Variants in AKAP6 observed in about 807,000 individuals in gnomAD.
AKAP6 encodes the protein A-kinase anchoring protein 6.
Under a neutral mutation model 188.5 loss-of-function variants are expected in AKAP6, and 58 were observed. That is an observed-to-expected ratio of 0.31 (90% confidence interval 0.25 to 0.38). AKAP6 has a LOEUF of 0.38. Ranked by LOEUF, AKAP6 falls within the 10% of genes least tolerant of loss-of-function variation. AKAP6 has a pLI of 1.00. For synonymous variants in AKAP6, 989 were observed against 998.6 expected, an observed-to-expected ratio of 0.99 and a Z score of 0.18; for missense variants, 2,710 against 2,740.0, an observed-to-expected ratio of 0.99 and a Z score of 0.24.
At chr14:32,448,192 C>T (rs1192692198) in intron 2 of AKAP6, among the ~76,000 whole-genome samples, 1 of 152,142 alleles carries the variant, frequency 6.6e-6, no homozygotes, top group Non-Finnish European at 1.5e-5. Context: ...GCAATGCCTC[C>T]CTTTCCTGGG....
intron 2 of AKAP6, among the ~76,000 whole-genome samples, chr14:32,476,063 C>T (rs562015850): frequency 6.6e-6 from 1 of 152,022 alleles, no homozygotes; most frequent in Admixed American, 6.5e-5. Flanking sequence ...TAATTATTAT[C>T]TATTTGGTAC....
chr14:32,331,421 T>A (rs1053310245), intron 1 of AKAP6, among the ~76,000 whole-genome samples: 1 of 152,030 alleles, frequency 6.6e-6, no homozygotes, highest in Non-Finnish European at 1.5e-5. Context: ...AGTTATCTAG[T>A]GGAACATCCT....
intron 1 of AKAP6, among the ~76,000 whole-genome samples, chr14:32,369,904 G>A (rs185943891): frequency 8.4e-4 from 128 of 152,272 alleles, no homozygotes; most frequent in Non-Finnish European, 1.5e-3. Context: ...GTTGGTGGAA[G>A]CCTGTAATCC....
At chr14:32,354,430 TA>T (rs11299916) in intron 1 of AKAP6, among the ~76,000 whole-genome samples, 47,853 of 152,048 alleles carry the variant, frequency 0.31, 8,240 homozygotes, top group African/African-American at 0.46. Context: ...TTATACTACC[TA>T]AACTGGCAGT....
intron 12 of AKAP6, among the ~76,000 whole-genome samples, chr14:32,805,410 T>C (rs1566724553): frequency 6.6e-6 from 1 of 152,194 alleles, no homozygotes; most frequent in Non-Finnish European, 1.5e-5. Context: ...GAAATTGTCA[T>C]CCTGCGTGTA....
intron 8 of AKAP6, among the ~76,000 whole-genome samples, chr14:32,679,258 A>T (rs1040177288): frequency 5.3e-5 from 8 of 152,136 alleles, no homozygotes; most frequent in African/African-American, 1.7e-4. Flanking sequence ...TGTAATATTT[A>T]ATAGGTGATT....
chr14:32,803,364 A>G (rs893466387), intron 12 of AKAP6, among the ~76,000 whole-genome samples: 8 of 152,096 alleles, frequency 5.3e-5, no homozygotes, highest in Non-Finnish European at 8.8e-5. Context: ...TCGGGTATAC[A>G]TAACAAGCCA....
intron 9 of AKAP6, among the ~76,000 whole-genome samples, chr14:32,703,834 T>A (rs1373177776): frequency 6.6e-6 from 1 of 152,236 alleles, no homozygotes; most frequent in Admixed American, 6.5e-5. Context: ...GGTAAAGGGT[T>A]AACAGTCTGA....
intron 12 of AKAP6, among the ~76,000 whole-genome samples, chr14:32,783,470 T>C (rs1389864705): frequency 1.3e-5 from 2 of 152,146 alleles, no homozygotes; most frequent in African/African-American, 4.8e-5. Flanking sequence ...ATTTACTTTA[T>C]TTAAATTATA....
chr14:32,600,564 A>G, intron 6 of AKAP6, 65 bp from the exon 7 acceptor site: 2 of 1,460,002 alleles, frequency 1.4e-6, no homozygotes, highest in Non-Finnish European at 1.8e-6. Flanking sequence ...AATTTACTAA[A>G]TAAAAATAAT....
intron 1 of AKAP6, among the ~76,000 whole-genome samples, chr14:32,399,233 C>T (rs949691911): frequency 3.3e-5 from 5 of 152,088 alleles, no homozygotes; most frequent in African/African-American, 1.2e-4. Context: ...GCAAAAACTA[C>T]AATAAGTTTG....
chr14:32,595,608 A>G (rs1302895170), intron 5 of AKAP6, among the ~76,000 whole-genome samples: 1 of 152,120 alleles, frequency 6.6e-6, no homozygotes, highest in Non-Finnish European at 1.5e-5. Flanking sequence ...TCCTGGGCTC[A>G]AGCAGTCTTC....
chr14:32,564,700 A>G (rs1041336790), intron 4 of AKAP6, among the ~76,000 whole-genome samples: 1 of 152,174 alleles, frequency 6.6e-6, no homozygotes, highest in Admixed American at 6.6e-5. Flanking sequence ...GAAGGCATGA[A>G]AAATCATTCA....
chr14:32,481,618 AG>A (rs559634170), intron 2 of AKAP6, among the ~76,000 whole-genome samples: 17 of 152,110 alleles, frequency 1.1e-4, no homozygotes, highest in Non-Finnish European at 2.2e-4. Flanking sequence ...CGGGAACAAC[AG>A]GGGAAAAACT....
At chr14:32,510,356 A>C (rs187381733) in intron 2 of AKAP6, among the ~76,000 whole-genome samples, 8,061 of 56,298 alleles carry the variant, frequency 0.14, 300 homozygotes, top group Admixed American at 0.22. Context: ...ATATGGATAC[A>C]TATATATATG....
At chr14:32,808,435 T>C (rs2034143853) in intron 12 of AKAP6, among the ~76,000 whole-genome samples, 1 of 152,188 alleles carries the variant, frequency 6.6e-6, no homozygotes, top group Admixed American at 6.5e-5. Flanking sequence ...TTATCAAGGG[T>C]GGAGAAAGGG....
chr14:32,461,698 G>C (rs1862369463), intron 2 of AKAP6, among the ~76,000 whole-genome samples: 1 of 151,946 alleles, frequency 6.6e-6, no homozygotes, highest in Admixed American at 6.5e-5. Context: ...AACTCCTCTT[G>C]AGCAAGGGCA....
intron 3 of AKAP6, among the ~76,000 whole-genome samples, chr14:32,539,218 G>A (rs1024169358): frequency 4.6e-5 from 7 of 152,170 alleles, no homozygotes; most frequent in Admixed American, 6.6e-5. Flanking sequence ...TCACACAGGT[G>A]ATAAGAGAGT....
chr14:32,415,489 A>G (rs1203781199), intron 1 of AKAP6, among the ~76,000 whole-genome samples: 1 of 152,116 alleles, frequency 6.6e-6, no homozygotes, highest in East Asian at 1.9e-4. Flanking sequence ...TCTATTTCTC[A>G]GTGCTTTTCT....
Sources: allele counts gnomAD v4.1 joint callset (sites outside exome capture counted in the v4.1 genomes callset), GRCh38; gene constraint gnomAD v4.1.1; transcripts MANE v1.5; gene names NCBI Gene and HGNC (gene_info 2026-07-23, HGNC 2026-07-21).